Variants in PCLO observed in about 807,000 individuals in gnomAD.
The protein encoded by PCLO is piccolo presynaptic cytomatrix protein.
PCLO carries 82 observed loss-of-function variants against 427.5 expected under a neutral mutation model. That is an observed-to-expected ratio of 0.19 (90% CI 0.16 to 0.23). The LOEUF (loss-of-function observed/expected upper bound fraction) is 0.23. Ranked by LOEUF, PCLO falls within the 10% of genes least tolerant of loss-of-function variation. PCLO has a pLI of 1.00. For missense variants in PCLO, 6,239 were observed against 6,115.9 expected, an observed-to-expected ratio of 1.02 and a Z score of -0.67; for synonymous variants, 2,357 against 2,155.4, an observed-to-expected ratio of 1.09 and a Z score of -2.59.
intron 22 of PCLO, among the ~76,000 whole-genome samples, chr7:82,780,786 G>T (rs1169932788): frequency 6.6e-6 from 1 of 152,122 alleles, no homozygotes; most frequent in Non-Finnish European, 1.5e-5. Flanking sequence ...TCCTCAAATG[G>T]TAAAGACAGT....
At chr7:83,011,905 GA>G (rs1788086567) in intron 3 of PCLO, among the ~76,000 whole-genome samples, 1 of 152,076 alleles carries the variant, frequency 6.6e-6, no homozygotes, top group South Asian at 2.1e-4. Flanking sequence ...TCTTCTGAAT[GA>G]CAGACTCTGC....
chr7:82,861,117 T>C lies in PCLO; in HGVS notation c.13655-13870A>G, dbSNP rs555040890. Among the ~76,000 whole-genome samples the C allele has an allele frequency of 9.9e-5, 15 of 152,034 alleles. No individual in the cohort carries two copies. The South Asian group carries it at 1.9e-3, about 19-fold the overall frequency. On this transcript the variant is annotated intron_variant, in intron 10 of 24. Transcript: ENST00000333891. ...AGGCTCTAACTTATCAGTAATAACA[T>C]TGAATGTAAATGGACTAAACACTTC... is the stretch of plus-strand genomic sequence containing the variant.
rs200716969 is a variant in PCLO, at chr7:83,102,741, A to AT, written c.3300+31508dup. On this transcript the variant is annotated intron_variant, in intron 3 of 24. Coordinates refer to ENST00000333891, the MANE Select transcript of PCLO (RefSeq NM_033026.6). Reference sequence around the variant, plus strand: ...TCTTATTGAAAAAATAAAACTCTTGATTTTTTATATCTAGCTAAAATATTA... The same window carrying AT: ...TCTTATTGAAAAAATAAAACTCTTGATTTTTTTATATCTAGCTAAAATATTA... 2.1e-4 allele frequency among the ~76,000 whole-genome samples: 32 copies of AT among 151,964 alleles called. No individual in the cohort carries two copies. In the East Asian group the frequency reaches 6.0e-3, roughly 28 times the overall value.
intron 10 of PCLO, among the ~76,000 whole-genome samples, chr7:82,865,837 T>C (rs1324104832): frequency 2.0e-5 from 3 of 152,194 alleles, no homozygotes; most frequent in Non-Finnish European, 4.4e-5. Flanking sequence ...TTAACTTACA[T>C]AGGTTCTTAC....
intron 6 of PCLO, among the ~76,000 whole-genome samples, chr7:82,945,337 G>T (rs1024359211): frequency 4.1e-4 from 63 of 152,246 alleles, no homozygotes; most frequent in African/African-American, 1.4e-3. Context: ...ATATTTGGCT[G>T]TGAGCAAACA....
chr7:82,810,731 A>G (rs1791551992), intron 20 of PCLO, among the ~76,000 whole-genome samples: 1 of 151,660 alleles, frequency 6.6e-6, no homozygotes, highest in South Asian at 2.1e-4. Context: ...CCTTAATTAA[A>G]TCGGTAGTGT....
intron 3 of PCLO, among the ~76,000 whole-genome samples, chr7:82,995,270 T>TA (rs1796469716): frequency 6.6e-6 from 1 of 151,850 alleles, no homozygotes; most frequent in East Asian, 1.9e-4. Context: ...TGCTGAGGGG[T>TA]AGGCAAAGCC....
intron 22 of PCLO, among the ~76,000 whole-genome samples, chr7:82,779,338 T>C (rs937198871): frequency 4.6e-5 from 7 of 152,274 alleles, no homozygotes; most frequent in African/African-American, 1.7e-4. Context: ...CTGAATAATA[T>C]GTATCTTTTC....
intron 3 of PCLO, among the ~76,000 whole-genome samples, chr7:83,052,822 A>C (rs1789287058): frequency 6.6e-6 from 1 of 151,918 alleles, no homozygotes. Context: ...CATATCATGT[A>C]ATTAGTTTTA....
chr7:83,050,227 A>AAAAAAAAAAAAAAAAACAAAAACAAAAAC (rs71074611), intron 3 of PCLO, among the ~76,000 whole-genome samples: 16 of 85,638 alleles, frequency 1.9e-4, no homozygotes, highest in Non-Finnish European at 3.7e-4. Flanking sequence ...AAAAAAAAAA[A>AAAAAAAAAAAAAAAAACAAAAACAAAAAC]AAAAAAAAAA....
intron 3 of PCLO, among the ~76,000 whole-genome samples, chr7:82,971,123 A>G (rs1164762449): frequency 2.0e-5 from 3 of 151,868 alleles, no homozygotes; most frequent in Non-Finnish European, 3.0e-5. Context: ...CTAAATAGCC[A>G]CACCATGACA....
At chr7:83,074,476 G>GA (rs1397079398) in intron 3 of PCLO, among the ~76,000 whole-genome samples, 1 of 151,054 alleles carries the variant, frequency 6.6e-6, no homozygotes, top group African/African-American at 2.4e-5. Flanking sequence ...AAAATGCCCA[G>GA]ATAGGCTGCA....
At chr7:83,111,103 CAT>C (rs1214996822) in intron 3 of PCLO, among the ~76,000 whole-genome samples, 1 of 152,182 alleles carries the variant, frequency 6.6e-6, no homozygotes, top group Non-Finnish European at 1.5e-5. Flanking sequence ...GATTTACATC[CAT>C]ATGTCAATGA....
At chr7:82,857,388 T>C (rs1792836476) in intron 10 of PCLO, among the ~76,000 whole-genome samples, 1 of 152,154 alleles carries the variant, frequency 6.6e-6, no homozygotes, top group Admixed American at 6.6e-5. Flanking sequence ...TTCAGTTATG[T>C]TGATAACCTT....
intron 3 of PCLO, among the ~76,000 whole-genome samples, chr7:83,088,503 G>C (rs887522462): frequency 6.6e-6 from 1 of 152,072 alleles, no homozygotes; most frequent in Non-Finnish European, 1.5e-5. Context: ...TGTTTCTATC[G>C]ATGTTTCCAG....
Position 82,956,641 on chromosome 7 carries a change from G to T in PCLO, c.4312C>A (p.Pro1438Thr), listed in dbSNP as rs763252898. 6.2e-7 allele frequency: 1 copy of T among 1,613,836 alleles called. No individual in the cohort carries two copies. The highest frequency in any genetic ancestry group is 8.5e-7 in the Non-Finnish European group (1 of 1,179,840). Residue 1438 changes from proline to threonine, a missense_variant, in exon 5 of 25, where the codon CCC (proline) becomes ACC (threonine). By Grantham distance (38) the Pro-to-Thr change is conservative. Transcript: ENST00000333891. Reference protein sequence around the residue: ...ADEKSEKKTQPHEVSPEQPKD... With the variant: ...ADEKSEKKTQTHEVSPEQPKD... ...GGCTGTTCAGGAGAAACTTCATGGG[G>T]TTGTGTTTTCTTTTCTGACTTTTCA... is the stretch of plus-strand genomic sequence containing the variant.
chr7:83,064,814 T>C (rs1368546676), intron 3 of PCLO, among the ~76,000 whole-genome samples: 1 of 151,960 alleles, frequency 6.6e-6, no homozygotes, highest in Non-Finnish European at 1.5e-5. Flanking sequence ...TCATGCTCTC[T>C]CCGAGAGATG....
In PCLO at chr7:82,809,644, A is replaced by G. The variant is rs538623497; in HGVS notation, c.14792-3815T>C. ...CATTAATACTTCTTTCCTTTAACCAATCAAAACATCTGAATGATTTAGTAG... is the reference window on the plus strand; with the variant it reads ...CATTAATACTTCTTTCCTTTAACCAGTCAAAACATCTGAATGATTTAGTAG... On this transcript the variant is annotated intron_variant, in intron 20 of 24. Transcript: ENST00000333891. Among the ~76,000 whole-genome samples the G allele has an allele frequency of 7.3e-5, 11 of 151,042 alleles. No homozygotes were observed. In the East Asian group the frequency reaches 1.9e-3, roughly 27 times the overall value.
intron 4 of PCLO, 22 bp downstream of exon 4, chr7:82,965,749 A>T: frequency 6.7e-7 from 1 of 1,502,198 alleles, no homozygotes; most frequent in Admixed American, 2.0e-5. Flanking sequence ...AGAGTGTGAG[A>T]AGTTAGTAAA....
Sources: gnomAD v4.1 joint callset for allele counts (sites outside exome capture counted in the v4.1 genomes callset) on GRCh38, gnomAD v4.1.1 for gene constraint, MANE v1.5 for transcripts, NCBI Gene and HGNC (gene_info 2026-07-23, HGNC 2026-07-21) for gene names.